The following MAPK14 variants were observed in gnomAD, a reference collection of about 807,000 sequenced individuals.
MAPK14 encodes the protein CSAID-binding protein.
In MAPK14, 16 loss-of-function variants were observed where a neutral mutation model predicts 49.6. That is an observed-to-expected ratio of 0.32 (90% CI 0.22 to 0.49). The LOEUF (loss-of-function observed/expected upper bound fraction) is 0.49. Among genes scored for constraint, MAPK14 ranks in the 20% least tolerant of loss-of-function variants. MAPK14 has a pLI of 0.99. For missense variants in MAPK14, 200 were observed against 441.2 expected (o/e 0.45, Z 4.90); for synonymous variants, 142 against 158.0 (o/e 0.90, Z 0.76).
intron 1 of MAPK14, among the ~76,000 whole-genome samples, chr6:36,043,356 A>C (rs562143484): frequency 6.6e-6 from 1 of 152,148 alleles, no homozygotes; most frequent in Non-Finnish European, 1.5e-5. Flanking sequence ...TAATTTTTCT[A>C]TTTCACTAGG....
In MAPK14 at chr6:36,059,345, T is replaced by C. The variant is rs1581765593; in HGVS notation, c.303T>C (p.Asp101=). The change falls in exon 3 of 12, where the codon GAT becomes GAC. Residue 101 remains aspartate (D), a splice_region_variant and synonymous_variant. Coordinates refer to ENST00000229794, the MANE Select transcript of MAPK14 (RefSeq NM_139012.3). ...TPARSLEEFN[D]VYLVTHLMGA... is the part of the protein sequence containing the mutation. ...CAAGGTCTCTGGAGGAATTCAATGA[T>C]GTGTGAGTAAATTTTTTGCATTTGC... 8.1e-6 allele frequency: 13 copies of C among 1,610,298 alleles called. No homozygotes were observed. In the East Asian group the frequency reaches 2.5e-4, roughly 30 times the overall value.
At chr6:36,045,316 CCTT>C (rs1763130523) in intron 1 of MAPK14, among the ~76,000 whole-genome samples, 3 of 152,108 alleles carry the variant, frequency 2.0e-5, no homozygotes, top group Non-Finnish European at 4.4e-5. Context: ...TTATATGTCT[CCTT>C]CTTGAACAGA....
the MAPK14 span, among the ~76,000 whole-genome samples, chr6:36,120,271 C>T: frequency 4.6e-5 from 7 of 152,172 alleles, no homozygotes; most frequent in Non-Finnish European, 2.9e-5. Flanking sequence ...TCACCGTTTT[C>T]ATCATGATGA....
At chr6:36,095,083 T>C (rs959053123) in intron 8 of MAPK14, among the ~76,000 whole-genome samples, 3 of 152,228 alleles carry the variant, frequency 2.0e-5, no homozygotes, top group South Asian at 2.1e-4. Context: ...ATAATATTTT[T>C]CCCCCTCTTT....
chr6:36,117,789 A>C, the MAPK14 span, among the ~76,000 whole-genome samples: 1 of 152,204 alleles, frequency 6.6e-6, no homozygotes, highest in South Asian at 2.1e-4. Context: ...AAGACAGATC[A>C]TGTCTTGTTC....
At chr6:36,053,555 T>C (rs978357801) in intron 2 of MAPK14, among the ~76,000 whole-genome samples, 2 of 152,198 alleles carry the variant, frequency 1.3e-5, no homozygotes, top group African/African-American at 4.8e-5. Context: ...CTTATTTTAC[T>C]GAATTTCAAA....
intron 6 of MAPK14, among the ~76,000 whole-genome samples, chr6:36,075,175 G>A (rs1271740605): frequency 2.8e-5 from 4 of 141,254 alleles, no homozygotes; most frequent in East Asian, 2.1e-4. Flanking sequence ...GCAGTGCGCC[G>A]AGATAGTGCC....
chr6:36,114,236 C>T (rs1581865700), downstream of MAPK14, among the ~76,000 whole-genome samples: 1 of 152,330 alleles, frequency 6.6e-6, no homozygotes, highest in East Asian at 1.9e-4. Flanking sequence ...ATGAATCTAA[C>T]ACTTCATCCC....
intron 1 of MAPK14, among the ~76,000 whole-genome samples, chr6:36,042,251 T>G (rs1241960033): frequency 6.6e-6 from 1 of 152,080 alleles, no homozygotes; most frequent in Non-Finnish European, 1.5e-5. Context: ...GTTCTTTAGG[T>G]AGTAGAGAGC....
chr6:36,090,618 C>T (rs767463830), intron 8 of MAPK14, among the ~76,000 whole-genome samples: 2 of 151,920 alleles, frequency 1.3e-5, no homozygotes, highest in African/African-American at 2.4e-5. Context: ...CTCCACCTCC[C>T]GTGTTCAAGC....
chr6:36,074,016 G>T lies in MAPK14; in HGVS notation c.448-33G>T, dbSNP rs980604481. ...GGGAGAATTGATCATGCATCATAAA[G>T]TTGATCCTGTCTTCCCTGTATTTGC... On this transcript the variant is annotated intron_variant, in intron 5 of 11. Transcript: ENST00000229794. The T allele has an allele frequency of 5.2e-6, 8 of 1,545,750 alleles. No individual in the cohort carries two copies. The African/African-American group carries it at 9.5e-5, about 18-fold the overall frequency.
At chr6:36,049,549 T>G (rs936366742) in intron 1 of MAPK14, among the ~76,000 whole-genome samples, 7 of 152,240 alleles carry the variant, frequency 4.6e-5, no homozygotes, top group African/African-American at 1.7e-4. Context: ...GGGTGGTACC[T>G]GAGAATTTTC....
chr6:36,046,958 G>A (rs1444498721), intron 1 of MAPK14, among the ~76,000 whole-genome samples: 1 of 152,158 alleles, frequency 6.6e-6, no homozygotes, highest in Admixed American at 6.5e-5. Context: ...CAGCTTGCAG[G>A]TGGAAGGCAA....
At position 36,107,293 on chromosome 6, in the gene MAPK14, T is replaced by C. The variant is rs199710665; in HGVS notation, c.842-162T>C. Among the ~76,000 whole-genome samples, 30 of 144,892 alleles carry C rather than the reference T, an allele frequency of 2.1e-4. No individual in the cohort carries two copies. The highest frequency in any genetic ancestry group is 7.4e-4 in the African/African-American group (29 of 39,168). ...ATACACACACACACACACACACACA[T>C]ACACACATAAAGGAGAAGAGGGCTA... On this transcript the variant is annotated intron_variant, in intron 10 of 11. Transcript: ENST00000229794. This position sits in a 1 kb window ranked among gnomAD's most constrained non-coding sequence, Gnocchi z 4.3.
intron 8 of MAPK14, among the ~76,000 whole-genome samples, 179 bp from the exon 9 acceptor site, chr6:36,095,808 T>G (rs906178675): frequency 9.9e-5 from 15 of 152,138 alleles, no homozygotes; most frequent in Non-Finnish European, 1.5e-4. Context: ...GAGCATGCCC[T>G]ACGTGAAGTG....
chr6:36,061,514 C>A (rs1372071118), intron 3 of MAPK14, among the ~76,000 whole-genome samples: 1 of 152,176 alleles, frequency 6.6e-6, no homozygotes, highest in Admixed American at 6.5e-5. Context: ...GGCTGTTGAG[C>A]AGGAATCCGT....
intron 8 of MAPK14, among the ~76,000 whole-genome samples, chr6:36,090,321 A>T (rs1009030826): frequency 3.3e-5 from 5 of 151,766 alleles, no homozygotes; most frequent in Non-Finnish European, 7.4e-5. Flanking sequence ...TTGGTTTCAA[A>T]TACTCTTTCT....
intron 3 of MAPK14, among the ~76,000 whole-genome samples, chr6:36,071,311 C>T (rs556349027): frequency 7.3e-5 from 11 of 151,138 alleles, no homozygotes; most frequent in South Asian, 2.1e-4. Context: ...CCAGCCTGGG[C>T]GACAGAGCAA....
At chr6:36,100,021 T>C (rs954731791) in intron 9 of MAPK14, among the ~76,000 whole-genome samples, 5 of 152,212 alleles carry the variant, frequency 3.3e-5, no homozygotes, top group Non-Finnish European at 7.4e-5. Context: ...ACTCATGTCA[T>C]TCACAGAAGT....
Sources: allele counts gnomAD v4.1 joint callset (sites outside exome capture counted in the v4.1 genomes callset), GRCh38; gene constraint gnomAD v4.1.1; non-coding constraint Gnocchi (gnomAD v3.1); transcripts MANE v1.5; gene names NCBI Gene and HGNC (gene_info 2026-07-23, HGNC 2026-07-21).